PRKCA: variants seen among roughly 807,000 people sequenced by gnomAD.
PRKCA encodes the protein protein kinase C alpha, also known as protein kinase C alpha type.
In PRKCA, 27 loss-of-function variants were observed where a neutral mutation model predicts 87.0. That is an observed-to-expected ratio of 0.31 (90% CI 0.23 to 0.43). The LOEUF (loss-of-function observed/expected upper bound fraction) is 0.43. Ranked by LOEUF, PRKCA falls within the 20% of genes least tolerant of loss-of-function variation. The pLI is 1.00. For synonymous variants in PRKCA, 329 were observed against 311.1 expected (o/e 1.06, Z -0.61); for missense variants, 518 against 852.3 (o/e 0.61, Z 4.88).
Position 66,554,880 on chromosome 17 carries a change from CT to C in PRKCA, c.288+58613del, listed in dbSNP as rs565435672. On this transcript the variant is annotated intron_variant, in intron 3 of 16. Transcript: ENST00000413366. ...TGTCACCTTAAGTAGATTGTAAATT[CT>C]TTTTTTTTTTTTTTTAAAGACAGGG... 9.5e-3 allele frequency among the ~76,000 whole-genome samples: 1,307 copies of C among 138,214 alleles called. 11 individuals are homozygous for C. Among genetic ancestry groups the C allele is most frequent in the African/African-American group, 0.014 (511 of 37,246 alleles). The allele number at this position is 138,214 out of a possible 152,430, so 90.7% of individuals were successfully genotyped here.
intron 2 of PRKCA, among the ~76,000 whole-genome samples, chr17:66,402,309 G>A (rs1911080539): frequency 6.6e-6 from 1 of 151,994 alleles, no homozygotes; most frequent in African/African-American, 2.4e-5. Context: ...GTGGTTGTGG[G>A]AAACTAATTT....
intron 3 of PRKCA, among the ~76,000 whole-genome samples, chr17:66,581,770 C>T (rs1036302756): frequency 5.3e-5 from 8 of 152,156 alleles, no homozygotes; most frequent in South Asian, 2.1e-4. Context: ...CCACCGTGCC[C>T]GGCCATCTTT....
chr17:66,777,433 A>AC lies in PRKCA; in HGVS notation c.1605+3370dup, dbSNP rs79305487. Reference sequence around the variant, plus strand: ...TTATTTATTTAGTTCCCCTCCCCCCACCCCAAATCAAAGCATTCCTCTTAG... The same window carrying AC: ...TTATTTATTTAGTTCCCCTCCCCCCACCCCCAAATCAAAGCATTCCTCTTAG... On this transcript the variant is annotated intron_variant, in intron 14 of 16. Transcript: ENST00000413366. 2.8e-4 allele frequency: 65 copies of AC among 230,152 alleles called. 1 individual carries two copies. In the East Asian group the frequency reaches 0.014, roughly 51 times the overall value. 14.3% of individuals were successfully genotyped at this position (230,152 alleles called of 1,614,324 possible).
chr17:66,641,226 A>T, intron 3 of PRKCA, 129 bp from the exon 4 acceptor site: 3 of 576,862 alleles, frequency 5.2e-6, no homozygotes, highest in East Asian at 5.4e-5. Context: ...GACTCCAGAG[A>T]ATGATGCACA....
chr17:66,650,358 T>G (rs76001531), intron 5 of PRKCA, among the ~76,000 whole-genome samples: 4 of 67,508 alleles, frequency 5.9e-5, no homozygotes, highest in South Asian at 3.9e-4. Flanking sequence ...GGTGTCGGGG[T>G]TTTTTTTTCT....
chr17:66,356,267 G>C (rs980240917), intron 2 of PRKCA, among the ~76,000 whole-genome samples: 12 of 152,012 alleles, frequency 7.9e-5, no homozygotes, highest in Non-Finnish European at 1.3e-4. Context: ...GATGATAGAA[G>C]ACTTTTTTCT....
chr17:66,605,067 G>A (rs537103501), intron 3 of PRKCA, among the ~76,000 whole-genome samples: 146 of 152,248 alleles, frequency 9.6e-4, no homozygotes, highest in Non-Finnish European at 1.8e-3. Flanking sequence ...CACTTGTCAC[G>A]TCATGGTGGA....
chr17:66,558,694 G>T (rs568502744), intron 3 of PRKCA, among the ~76,000 whole-genome samples: 6 of 152,298 alleles, frequency 3.9e-5, no homozygotes, highest in South Asian at 2.1e-4. Context: ...GTAAGGGGGG[G>T]AGGGAGGACA....
At chr17:66,380,207 GGGTTTTTTT>G in intron 2 of PRKCA, among the ~76,000 whole-genome samples, 1 of 151,552 alleles carries the variant, frequency 6.6e-6, no homozygotes, top group East Asian at 1.9e-4. Context: ...CTGCTTCATA[GGGTTTTTTT>G]TTTTTTAAGT....
chr17:66,586,993 A>G (rs1969615917), intron 3 of PRKCA, among the ~76,000 whole-genome samples: 1 of 152,102 alleles, frequency 6.6e-6, no homozygotes, highest in African/African-American at 2.4e-5. Context: ...TGTTGCTCCT[A>G]CGATGCCATT....
intron 3 of PRKCA, among the ~76,000 whole-genome samples, chr17:66,612,732 T>G (rs950813407): frequency 6.6e-6 from 1 of 152,028 alleles, no homozygotes; most frequent in Admixed American, 6.6e-5. Flanking sequence ...TTGGAGGTTT[T>G]TTTTTTTTTG....
intron 2 of PRKCA, among the ~76,000 whole-genome samples, chr17:66,372,862 G>GGAATT (rs1405259327): frequency 5.9e-5 from 9 of 152,126 alleles, no homozygotes; most frequent in Middle Eastern, 3.2e-3. Flanking sequence ...TTCGAGACCA[G>GGAATT]CCTGCCCAAC....
chr17:66,641,984 C>T lies in PRKCA; in HGVS notation c.400+518C>T, dbSNP rs777910050. 2.6e-5 allele frequency among the ~76,000 whole-genome samples: 4 copies of T among 152,108 alleles called. No homozygotes were observed. In the South Asian group the frequency reaches 6.2e-4, roughly 24 times the overall value. ...TTCACTGACCCAGCATGTTTATGGA[C>T]GGATCAAATGTGTATTAGCCTGGCT... On this transcript the variant is annotated intron_variant, in intron 4 of 16. Coordinates refer to ENST00000413366, the MANE Select transcript of PRKCA (RefSeq NM_002737.3).
intron 3 of PRKCA, among the ~76,000 whole-genome samples, chr17:66,518,022 G>A (rs1967026296): frequency 6.6e-6 from 1 of 152,006 alleles, no homozygotes; most frequent in Non-Finnish European, 1.5e-5. Context: ...TGGTACACAT[G>A]TAGGTGAAAT....
At chr17:66,387,652 A>T (rs1910136153) in intron 2 of PRKCA, among the ~76,000 whole-genome samples, 1 of 152,218 alleles carries the variant, frequency 6.6e-6, no homozygotes, top group South Asian at 2.1e-4. Context: ...TTAGTTTGTA[A>T]TCATCCTCTG....
chr17:66,713,319 G>T (rs73329733), intron 8 of PRKCA, among the ~76,000 whole-genome samples: 21,849 of 151,858 alleles, frequency 0.14, 1,774 homozygotes, highest in East Asian at 0.27. Context: ...CAAAGTACTG[G>T]GATTACAGTC....
chr17:66,726,175 G>T (rs1333236833), intron 8 of PRKCA, among the ~76,000 whole-genome samples: 1 of 151,628 alleles, frequency 6.6e-6, no homozygotes, highest in Non-Finnish European at 1.5e-5. Flanking sequence ...AGAAAGCTCA[G>T]GTGTTCGCAG....
At chr17:66,587,495 T>C (rs918015235) in intron 3 of PRKCA, among the ~76,000 whole-genome samples, 35 of 152,226 alleles carry the variant, frequency 2.3e-4, no homozygotes, top group African/African-American at 8.2e-4. Flanking sequence ...TTGTTATATA[T>C]GATGACAGTA....
chr17:66,727,269 CAG>C (rs1157812188), intron 8 of PRKCA, among the ~76,000 whole-genome samples: 2 of 152,180 alleles, frequency 1.3e-5, no homozygotes, highest in Non-Finnish European at 2.9e-5. Context: ...AGGCATACTC[CAG>C]AGAGAGTGGC....
Sources: allele counts gnomAD v4.1 joint callset (sites outside exome capture counted in the v4.1 genomes callset), GRCh38; gene constraint gnomAD v4.1.1; transcripts MANE v1.5; gene names NCBI Gene and HGNC (gene_info 2026-07-23, HGNC 2026-07-21).